OR6C70: variants seen among roughly 807,000 people sequenced by gnomAD.
OR6C70 encodes olfactory receptor 6C70.
For synonymous variants in OR6C70, 157 were observed against 130.8 expected (o/e 1.20, Z -1.36); for missense variants, 437 against 357.5 (o/e 1.22, Z -1.79).
Position 55,469,233 on chromosome 12 carries a change from T to C in OR6C70, c.906A>G (p.Val302=). Residue 302 remains valine, a synonymous_variant, in exon 1 of 1, where the codon GTA becomes GTG. Coordinates refer to ENST00000327335, the MANE Select transcript of OR6C70 (RefSeq NM_001005499.1). ...NQQVKQAFKA[V]FRKIFSASDK ...CTGAAGCAGAAAATATCTTTCTAAA[T>C]ACAGCTTTGAAGGCTTGTTTAACTT... is the stretch of plus-strand genomic sequence containing the variant. 1 of 1,609,454 alleles carries C rather than the reference T, an allele frequency of 6.2e-7. No homozygotes were observed. Among genetic ancestry groups the C allele is most frequent in the Non-Finnish European group, 8.5e-7 (1 of 1,177,216 alleles).
rs1435294017 is a variant in OR6C70 at position 55,469,390 on chromosome 12, T to TAAG, written c.746_748dup (p.Thr249_Tyr250insSer). The TAAG allele has an allele frequency of 3.7e-6, 6 of 1,613,894 alleles. No homozygotes were observed. The highest frequency in any genetic ancestry group is 5.1e-6 in the Non-Finnish European group (6 of 1,179,926). Reference sequence around the variant, plus strand: ...TATGTAGATAAACATACAACTACCATAAGTGATGGAGACAACAATCATGTG... The same window carrying TAAG: ...TATGTAGATAAACATACAACTACCATAAGAAGTGATGGAGACAACAATCATGTG... On this transcript the variant is annotated inframe_insertion, in exon 1 of 1. Coordinates refer to ENST00000327335, the MANE Select transcript of OR6C70 (RefSeq NM_001005499.1).
chr12:55,469,491 G>A lies in OR6C70; in HGVS notation c.648C>T (p.Tyr216=), dbSNP rs370700627. The change falls in exon 1 of 1, where the codon TAC becomes TAT. Residue 216 remains tyrosine, a synonymous_variant. Coordinates refer to ENST00000327335, the MANE Select transcript of OR6C70 (RefSeq NM_001005499.1). ...IVTLFLVILS[Y]SYIIKTILKF... ...TCAGAATTGTCTTGATGATGTAAGA[G>A]TAAGAAAGGATTACTAAAAACAATG... 1.2e-5 allele frequency: 19 copies of A among 1,613,864 alleles called. No homozygotes were observed. The African/African-American group carries it at 2.3e-4, about 19-fold the overall frequency.
Position 55,469,575 on chromosome 12 carries a change from T to C in OR6C70, c.564A>G (p.Ser188=). Residue 188 remains serine, a synonymous_variant, in exon 1 of 1, where the codon TCA becomes TCG. Transcript: ENST00000327335. ...DISLILQLSC[S]DTHLLELIAF... is the part of the protein sequence containing the mutation. ...CAATCAGTTCCAGTAAATGTGTGTC[T>C]GAGCAAGAAAGTTGTAGGATAAGAG... is the stretch of plus-strand genomic sequence containing the variant. 1 of 1,613,716 alleles carries C rather than the reference T, an allele frequency of 6.2e-7. No homozygotes were observed. The highest frequency in any genetic ancestry group is 8.5e-7 in the Non-Finnish European group (1 of 1,179,638).
rs924364259 is a variant in OR6C70, at chr12:55,469,548, G to A, written c.591C>T (p.Ala197=). 2.5e-6 allele frequency: 4 copies of A among 1,613,334 alleles called. No individual in the cohort carries two copies. In the Admixed American group the frequency reaches 5.0e-5, roughly 20 times the overall value. ...CSDTHLLELI[A]FLLAVMTLIV... is the part of the protein sequence containing the mutation. ...TAAGTGTCATCACAGCTAATAAAAA[G>A]GCAATCAGTTCCAGTAAATGTGTGT... The change falls in exon 1 of 1, where the codon GCC becomes GCT. Residue 197 remains alanine (A), a synonymous_variant. Coordinates refer to ENST00000327335, the MANE Select transcript of OR6C70 (RefSeq NM_001005499.1).
Position 55,470,010 on chromosome 12 carries a change from G to T in OR6C70, c.129C>A (p.Ile43=). 6.2e-7 allele frequency: 1 copy of T among 1,613,958 alleles called. No individual in the cohort carries two copies. Among genetic ancestry groups the T allele is most frequent in the Non-Finnish European group, 8.5e-7 (1 of 1,179,852 alleles). ...CVLSMIGNFT[I]IALILLDSQL... is the part of the protein sequence containing the mutation. Reference sequence around the variant, plus strand: ...GGGAATCCAGCAGAATGAGGGCAATGATAGTGAAGTTCCCTATCATGCTCA... The same window carrying T: ...GGGAATCCAGCAGAATGAGGGCAATTATAGTGAAGTTCCCTATCATGCTCA... The change falls in exon 1 of 1, where the codon ATC becomes ATA. Residue 43 remains isoleucine (I), a synonymous_variant. Coordinates refer to ENST00000327335, the MANE Select transcript of OR6C70 (RefSeq NM_001005499.1).
rs201032439 is a variant in OR6C70, at chr12:55,469,998, A to C, written c.141T>G (p.Ile47Met). The C allele has an allele frequency of 3.1e-6, 5 of 1,614,122 alleles. No individual in the cohort carries two copies. The highest frequency in any genetic ancestry group is 4.2e-6 in the Non-Finnish European group (5 of 1,179,988). Residue 47 changes from isoleucine (I) to methionine (M), a missense_variant, in exon 1 of 1, where the codon ATT becomes ATG. Physicochemically the swap from Ile to Met is conservative, Grantham distance 10. Coordinates refer to ENST00000327335, the MANE Select transcript of OR6C70 (RefSeq NM_001005499.1). ...MIGNFTIIAL[I>M]LLDSQLKTPM... ...GAGTCTTGAGCTGGGAATCCAGCAG[A>C]ATGAGGGCAATGATAGTGAAGTTCC... is the stretch of plus-strand genomic sequence containing the variant.
chr12:55,469,343 CTCTT>C lies in OR6C70; in HGVS notation c.792_795del (p.Arg265LeufsTer3). On this transcript the variant is annotated frameshift_variant, in exon 1 of 1. Transcript: ENST00000327335. LOFTEE classifies it low-confidence loss of function (END_TRUNC). ...ACAGTTACTCCTTTGCTTAAAGCAACTCTTTCATTCGCTGATGGCTTTATGTAGA... is the reference window on the plus strand; with the variant it reads ...ACAGTTACTCCTTTGCTTAAAGCAACTCATTCGCTGATGGCTTTATGTAGA... 1 of 1,613,866 alleles carries C rather than the reference CTCTT, an allele frequency of 6.2e-7. No homozygotes were observed. The highest frequency in any genetic ancestry group is 8.5e-7 in the Non-Finnish European group (1 of 1,179,892).
chr12:55,469,511 A>G lies in OR6C70; in HGVS notation c.628T>C (p.Phe210Leu), dbSNP rs1490442011. 1 of 1,613,896 alleles carries G rather than the reference A, an allele frequency of 6.2e-7. No homozygotes were observed. Among genetic ancestry groups the G allele is most frequent in the Non-Finnish European group, 8.5e-7 (1 of 1,179,900 alleles). ...TAAGAGTAAGAAAGGATTACTAAAA[A>G]CAATGTGACAATAAGTGTCATCACA... ...LAVMTLIVTL[F>L]LVILSYSYII... The change falls in exon 1 of 1, where the codon TTT becomes CTT. Residue 210 changes from phenylalanine to leucine, a missense_variant. Phe to Leu is a conservative substitution (Grantham distance 22). Coordinates refer to ENST00000327335, the MANE Select transcript of OR6C70 (RefSeq NM_001005499.1).
chr12:55,469,300 G>A lies in OR6C70; in HGVS notation c.839C>T (p.Ala280Val), dbSNP rs200629257. 3 of 1,613,564 alleles carry A rather than the reference G, an allele frequency of 1.9e-6. No individual in the cohort carries two copies. Among genetic ancestry groups the A allele is most frequent in the Non-Finnish European group, 1.7e-6 (2 of 1,179,700 alleles). ...ATAAATAAATGGGTTTAACAACGGG[G>A]CAACTGAAGTATTGAGCACAGTTAC... ...KGVTVLNTSV[A>V]PLLNPFIYTL... Residue 280 changes from alanine to valine, a missense_variant, in exon 1 of 1, where the codon GCC (alanine) becomes GTC (valine). Coordinates refer to ENST00000327335, the MANE Select transcript of OR6C70 (RefSeq NM_001005499.1).
In OR6C70 at chr12:55,470,083, G is replaced by T; in HGVS notation, c.56C>A (p.Ser19Tyr). The change falls in exon 1 of 1, where the codon TCT (serine) becomes TAT (tyrosine). Residue 19 changes from serine (S) to tyrosine (Y), a missense_variant. Coordinates refer to ENST00000327335, the MANE Select transcript of OR6C70 (RefSeq NM_001005499.1). ...EFILLGLTDN[S>Y]QLQIVIFLFL... is the part of the protein sequence containing the mutation. ...TAAGAAAATTACAATCTGTAACTGA[G>T]AATTATCCGTCAGTCCCAGAAGAAT... is the stretch of plus-strand genomic sequence containing the variant. 1.2e-6 allele frequency: 2 copies of T among 1,612,018 alleles called. No individual in the cohort carries two copies. The highest frequency in any genetic ancestry group is 1.1e-5 in the South Asian group (1 of 90,834).
In OR6C70 at chr12:55,469,396, A is replaced by G. The variant is rs1871892049; in HGVS notation, c.743T>C (p.Ile248Thr). The G allele has an allele frequency of 6.2e-7, 1 of 1,613,922 alleles. No individual in the cohort carries two copies. Among genetic ancestry groups the G allele is most frequent in the African/African-American group, 1.3e-5 (1 of 74,942 alleles). ...TCSSHMIVVS[I>T]TYGSCMFIYI... Reference sequence around the variant, plus strand: ...GATAAACATACAACTACCATAAGTGATGGAGACAACAATCATGTGAGAAGA... The same window carrying G: ...GATAAACATACAACTACCATAAGTGGTGGAGACAACAATCATGTGAGAAGA... The change falls in exon 1 of 1, where the codon ATC becomes ACC. Residue 248 changes from isoleucine to threonine, a missense_variant. Ile to Thr is a moderately conservative substitution (Grantham distance 89). Transcript: ENST00000327335.
chr12:55,469,800 T>C lies in OR6C70; in HGVS notation c.339A>G (p.Leu113=), dbSNP rs1399619613. The change falls in exon 1 of 1, where the codon CTA becomes CTG. Residue 113 remains leucine (L), a synonymous_variant. Coordinates refer to ENST00000327335, the MANE Select transcript of OR6C70 (RefSeq NM_001005499.1). ...CATAGCGATCATAGGACAGAGCAGCTAGAAGGAAAAATTCTGTAACCCCCA... is the reference window on the plus strand; with the variant it reads ...CATAGCGATCATAGGACAGAGCAGCCAGAAGGAAAAATTCTGTAACCCCCA... ...IFLGVTEFFL[L]AALSYDRYVA... is the part of the protein sequence containing the mutation. 19 of 1,614,036 alleles carry C rather than the reference T, an allele frequency of 1.2e-5. No individual in the cohort carries two copies. Among genetic ancestry groups the C allele is most frequent in the Non-Finnish European group, 1.5e-5 (18 of 1,179,982 alleles).
Position 55,470,123 on chromosome 12 carries a change from T to A in OR6C70, c.16A>T (p.Arg6Trp). The change falls in exon 1 of 1, where the codon AGG becomes TGG. Residue 6 changes from arginine (R) to tryptophan (W), a missense_variant. By Grantham distance (101) the Arg-to-Trp change is moderately radical. Transcript: ENST00000327335. MKNHT[R>W]QIEFILLGLT... is the part of the protein sequence containing the mutation. Reference sequence around the variant, plus strand: ...CCCAGAAGAATAAATTCTATCTGCCTTGTATGATTCTTCATTTCTCTGTTG... The same window carrying A: ...CCCAGAAGAATAAATTCTATCTGCCATGTATGATTCTTCATTTCTCTGTTG... The A allele has an allele frequency of 6.3e-7, 1 of 1,585,668 alleles. No individual in the cohort carries two copies.
chr12:55,469,279 A>G lies in OR6C70; in HGVS notation c.860T>C (p.Ile287Thr), dbSNP rs572901676. 6.8e-6 allele frequency: 11 copies of G among 1,613,754 alleles called. No homozygotes were observed. In the African/African-American group the frequency reaches 1.5e-4, roughly 22 times the overall value. Residue 287 changes from isoleucine to threonine, a missense_variant, in exon 1 of 1, where the codon ATT becomes ACT. Ile to Thr is a moderately conservative substitution (Grantham distance 89). Transcript: ENST00000327335. Reference sequence around the variant, plus strand: ...AACTTGCTGATTCCTCAGAGTATAAATAAATGGGTTTAACAACGGGGCAAC... The same window carrying G: ...AACTTGCTGATTCCTCAGAGTATAAGTAAATGGGTTTAACAACGGGGCAAC... ...TSVAPLLNPF[I>T]YTLRNQQVKQ...
rs1229572364 is a variant in OR6C70, at chr12:55,469,937, C to T, written c.202G>A (p.Glu68Lys). The change falls in exon 1 of 1, where the codon GAA becomes AAA. Residue 68 changes from glutamate (E) to lysine (K), a missense_variant. Coordinates refer to ENST00000327335, the MANE Select transcript of OR6C70 (RefSeq NM_001005499.1). ...YFFLRNFSFL[E>K]ISFTTACIPR... ...ATGCAAGCAGTTGTGAATGAAATTT[C>T]CAGAAAAGAGAAATTACGGAGGAAG... 6.2e-7 allele frequency: 1 copy of T among 1,613,542 alleles called. No individual in the cohort carries two copies. The highest frequency in any genetic ancestry group is 2.2e-5 in the East Asian group (1 of 44,852).
Position 55,469,484 on chromosome 12 carries a change from T to G in OR6C70, c.655A>C (p.Ile219Leu). 1 of 1,614,028 alleles carries G rather than the reference T, an allele frequency of 6.2e-7. No individual in the cohort carries two copies. The highest frequency in any genetic ancestry group is 8.5e-7 in the Non-Finnish European group (1 of 1,179,932). The change falls in exon 1 of 1, where the codon ATC (isoleucine) becomes CTC (leucine). Residue 219 changes from isoleucine to leucine, a missense_variant. Coordinates refer to ENST00000327335, the MANE Select transcript of OR6C70 (RefSeq NM_001005499.1). Reference sequence around the variant, plus strand: ...GGGAATTTCAGAATTGTCTTGATGATGTAAGAGTAAGAAAGGATTACTAAA... The same window carrying G: ...GGGAATTTCAGAATTGTCTTGATGAGGTAAGAGTAAGAAAGGATTACTAAA... ...LFLVILSYSY[I>L]IKTILKFPSA...
Position 55,469,619 on chromosome 12 carries a change from G to T in OR6C70, c.520C>A (p.His174Asn). Reference protein sequence around the residue: ...LDFCASNIIDHFICDISLILQ... With the variant: ...LDFCASNIIDNFICDISLILQ... Reference sequence around the variant, plus strand: ...ATAAGAGAAATGTCACAAATGAAATGATCAATGATATTTGAAGCACAGAAA... The same window carrying T: ...ATAAGAGAAATGTCACAAATGAAATTATCAATGATATTTGAAGCACAGAAA... The change falls in exon 1 of 1, where the codon CAT becomes AAT. Residue 174 changes from histidine (H) to asparagine (N), a missense_variant. Physicochemically the swap from His to Asn is moderately conservative, Grantham distance 68 (BLOSUM62 1). Transcript: ENST00000327335. The T allele has an allele frequency of 9.3e-6, 15 of 1,613,522 alleles. No homozygotes were observed. Among genetic ancestry groups the T allele is most frequent in the Non-Finnish European group, 1.2e-5 (14 of 1,179,474 alleles).
In OR6C70 at chr12:55,469,696, A is replaced by G. The variant is rs1871901928; in HGVS notation, c.443T>C (p.Val148Ala). 1.9e-6 allele frequency: 3 copies of G among 1,613,950 alleles called. No homozygotes were observed. Among genetic ancestry groups the G allele is most frequent in the Non-Finnish European group, 1.7e-6 (2 of 1,179,812 alleles). Residue 148 changes from valine (V) to alanine (A), a missense_variant, in exon 1 of 1, where the codon GTA (valine) becomes GCA (alanine). Coordinates refer to ENST00000327335, the MANE Select transcript of OR6C70 (RefSeq NM_001005499.1). ...VCYQLVFSSW[V>A]TGFLIIFTPL... Reference sequence around the variant, plus strand: ...AGTGAAAATGATCAGGAATCCAGTTACCCAAGAACTGAATACAAGCTGGTA... The same window carrying G: ...AGTGAAAATGATCAGGAATCCAGTTGCCCAAGAACTGAATACAAGCTGGTA...
Position 55,470,022 on chromosome 12 carries a change from C to G in OR6C70, c.117G>C (p.Gly39=). Reference sequence around the variant, plus strand: ...GAATGAGGGCAATGATAGTGAAGTTCCCTATCATGCTCAACACACAATTTA... The same window carrying G: ...GAATGAGGGCAATGATAGTGAAGTTGCCTATCATGCTCAACACACAATTTA... The part of the protein sequence containing the change: ...LLLNCVLSMI[G]NFTIIALILL... The change falls in exon 1 of 1, where the codon GGG becomes GGC. Residue 39 remains glycine (G), a synonymous_variant. Coordinates refer to ENST00000327335, the MANE Select transcript of OR6C70 (RefSeq NM_001005499.1). 5.6e-6 allele frequency: 9 copies of G among 1,613,766 alleles called. No individual in the cohort carries two copies. The highest frequency in any genetic ancestry group is 7.6e-6 in the Non-Finnish European group (9 of 1,179,726).
Sources: allele counts gnomAD v4.1 joint callset, GRCh38; gene constraint gnomAD v4.1.1; transcripts MANE v1.5; gene names NCBI Gene and HGNC (gene_info 2026-07-23, HGNC 2026-07-21).